The following ABCA3 variants were observed in gnomAD, a reference collection of about 807,000 sequenced individuals.
ABCA3 encodes the protein ATP binding cassette subfamily A member 3.
Under a neutral mutation model 172.8 loss-of-function variants are expected in ABCA3, and 88 were observed. That is an observed-to-expected ratio of 0.51 (90% CI 0.43 to 0.61). The LOEUF (loss-of-function observed/expected upper bound fraction) is 0.61, where lower values mean the gene tolerates loss of function less well. Among genes scored for constraint, ABCA3 ranks in the 20% least tolerant of loss-of-function variants. ABCA3 has a pLI of 0.00. For synonymous variants in ABCA3, 1,066 were observed against 983.8 expected (o/e 1.08, Z -1.56); for missense variants, 2,164 against 2,301.0 (o/e 0.94, Z 1.22).
intron 11 of ABCA3, among the ~76,000 whole-genome samples, chr16:2,307,016 CAAAAAAAAA>C (rs201661615): frequency 0.21 from 13,739 of 66,444 alleles, 1,042 homozygotes; most frequent in East Asian, 0.49. Context: ...GACTCCGTCT[CAAAAAAAAA>C]AAAAAAAAAA....
chr16:2,284,582 C>A lies in ABCA3; in HGVS notation c.3704-145G>T. The A allele has an allele frequency of 7.3e-7, 1 of 1,368,004 alleles. No individual in the cohort carries two copies. 84.7% of individuals were successfully genotyped at this position (1,368,004 alleles called of 1,614,324 possible). ...CCCAGGGACGCCCCTGCCGGCTCTGCACAGGGCAAGGACGCCGCAGACGCC... is the reference window on the plus strand; with the variant it reads ...CCCAGGGACGCCCCTGCCGGCTCTGAACAGGGCAAGGACGCCGCAGACGCC... On this transcript the variant is annotated intron_variant, in intron 24 of 32. Coordinates refer to ENST00000301732, the MANE Select transcript of ABCA3 (RefSeq NM_001089.3). The surrounding 1 kb of genome is among the most constrained non-coding windows in gnomAD (Gnocchi z 5.9).
In ABCA3 at chr16:2,300,098, T is replaced by C; in HGVS notation, c.1518A>G (p.Glu506=). 5 of 1,613,466 alleles carry C rather than the reference T, an allele frequency of 3.1e-6. No individual in the cohort carries two copies. The highest frequency in any genetic ancestry group is 4.2e-6 in the Non-Finnish European group (5 of 1,179,856). ...KPRAVAGKEE[E]DSDPEKALRN... is the part of the protein sequence containing the mutation. ...TGAGTGCTTTCTCGGGGTCACTGTC[T>C]TCTTCCTCCTTCCCTGCAACCGCCC... The change falls in exon 13 of 33, where the codon GAA becomes GAG. Residue 506 remains glutamate, a synonymous_variant. Transcript: ENST00000301732.
chr16:2,281,692 C>T lies in ABCA3; in HGVS notation c.4036-183G>A, dbSNP rs189348000. ...TTTACTAGAAGACACAGTGGTCTTACGGGGCTAAACTAGCATCCAGGAGAC... is the reference window on the plus strand; with the variant it reads ...TTTACTAGAAGACACAGTGGTCTTATGGGGCTAAACTAGCATCCAGGAGAC... On this transcript the variant is annotated intron_variant, in intron 26 of 32. Transcript: ENST00000301732. This position sits in a 1 kb window ranked among gnomAD's most constrained non-coding sequence, Gnocchi z 4.7. Among the ~76,000 whole-genome samples the T allele has an allele frequency of 5.2e-4, 79 of 152,072 alleles. No individual in the cohort carries two copies. Among genetic ancestry groups the T allele is most frequent in the African/African-American group, 1.3e-3 (52 of 41,452 alleles).
chr16:2,333,661 C>A (rs59137103), intron 1 of ABCA3, among the ~76,000 whole-genome samples: 1 of 151,402 alleles, frequency 6.6e-6, no homozygotes, highest in Non-Finnish European at 1.5e-5. Context: ...GTACAAGGTA[C>A]TAAGGATTTG....
At chr16:2,336,742 T>G (rs1192323020) in intron 1 of ABCA3, among the ~76,000 whole-genome samples, 1 of 150,724 alleles carries the variant, frequency 6.6e-6, no homozygotes, top group Non-Finnish European at 1.5e-5. Flanking sequence ...GTCTGGCCAA[T>G]AAACAGAACT....
chr16:2,309,430 G>A (rs927410680), intron 10 of ABCA3, among the ~76,000 whole-genome samples: 2 of 152,216 alleles, frequency 1.3e-5, no homozygotes, highest in African/African-American at 4.8e-5. Context: ...AAGGTGTGCT[G>A]GATGGAGACA....
At position 2,286,529 on chromosome 16, in the gene ABCA3, T is replaced by G. The variant is rs896806259; in HGVS notation, c.3278+165A>C. On this transcript the variant is annotated intron_variant, in intron 22 of 32. Coordinates refer to ENST00000301732, the MANE Select transcript of ABCA3 (RefSeq NM_001089.3). This position sits in a 1 kb window ranked among gnomAD's most constrained non-coding sequence, Gnocchi z 5.2. ...ACAGCTGATCTGCTGTCACAGGGAG[T>G]TGGGGCTGTGGATGGTGGAGGAGGA... is the stretch of plus-strand genomic sequence containing the variant. Among the ~76,000 whole-genome samples the G allele has an allele frequency of 2.6e-5, 4 of 151,718 alleles. No individual in the cohort carries two copies. Among genetic ancestry groups the G allele is most frequent in the Admixed American group, 2.6e-4 (4 of 15,250 alleles).
At position 2,286,552 on chromosome 16, in the gene ABCA3, G is replaced by A. The variant is rs1253413740; in HGVS notation, c.3278+142C>T. ...AGTTGGGGCTGTGGATGGTGGAGGAGGATGTGGCAGGGGTTTCCCACCAGA... is the reference window on the plus strand; with the variant it reads ...AGTTGGGGCTGTGGATGGTGGAGGAAGATGTGGCAGGGGTTTCCCACCAGA... On this transcript the variant is annotated intron_variant, in intron 22 of 32. Coordinates refer to ENST00000301732, the MANE Select transcript of ABCA3 (RefSeq NM_001089.3). This position sits in a 1 kb window ranked among gnomAD's most constrained non-coding sequence, Gnocchi z 5.2. 1.9e-5 allele frequency: 21 copies of A among 1,110,124 alleles called. No homozygotes were observed. The East Asian group carries it at 4.9e-4, about 26-fold the overall frequency. The allele number at this position is 1,110,124 out of a possible 1,614,324, so 68.8% of individuals were successfully genotyped here.
At position 2,278,073 on chromosome 16, in the gene ABCA3, T is replaced by G. The variant is rs561904060; in HGVS notation, c.4719-4A>C. 3.7e-5 allele frequency: 59 copies of G among 1,613,328 alleles called. No homozygotes were observed. In the South Asian group the frequency reaches 5.4e-4, roughly 15 times the overall value. The stretch of plus-strand genomic sequence containing the variant: ...CAGGGCCTCACACTCCTCCATGCTG[T>G]GGAGAGGGCGGGACCTCAGATAGGG... On this transcript the variant is annotated splice_region_variant and splice_polypyrimidine_tract_variant and intron_variant, in intron 30 of 32. Transcript: ENST00000301732. The surrounding 1 kb of genome is among the most constrained non-coding windows in gnomAD (Gnocchi z 4.4).
At chr16:2,294,523 A>G (rs1185611968) in intron 18 of ABCA3, among the ~76,000 whole-genome samples, 8 of 151,516 alleles carry the variant, frequency 5.3e-5, no homozygotes, top group African/African-American at 1.9e-4. Context: ...CCATCTCTAC[A>G]AAAAAAATAA....
rs45501400 is a variant in ABCA3 at position 2,340,564 on chromosome 16, G to A, written c.-539+9C>T. ...GAGCGCGCGAGCGGCGGGTCCCGGC[G>A]GCACTCACCGAGCCTGGGCGCCGGG... On this transcript the variant is annotated intron_variant, in intron 1 of 32. Transcript: ENST00000301732. The A allele has an allele frequency of 2.0e-5, 3 of 148,754 alleles. No individual in the cohort carries two copies. The highest frequency in any genetic ancestry group is 2.0e-4 in the South Asian group (1 of 4,886). 9.2% of individuals were successfully genotyped at this position (148,754 alleles called of 1,614,324 possible). A position where few individuals can be genotyped will look rare whatever the true frequency, so the allele number is the denominator to read the frequency against.
intron 1 of ABCA3, among the ~76,000 whole-genome samples, chr16:2,333,117 G>C (rs1488682300): frequency 6.6e-6 from 1 of 152,150 alleles, no homozygotes; most frequent in African/African-American, 2.4e-5. Flanking sequence ...GCCCTTATGA[G>C]CCCTTTCAAA....
Position 2,284,696 on chromosome 16 carries a change from C to T in ABCA3, c.3703+83G>A, listed in dbSNP as rs996100610. 29 of 1,455,438 alleles carry T rather than the reference C, an allele frequency of 2.0e-5. No individual in the cohort carries two copies. In the East Asian group the frequency reaches 2.9e-4, roughly 15 times the overall value. The allele number at this position is 1,455,438 out of a possible 1,614,324, so 90.2% of individuals were successfully genotyped here. On this transcript the variant is annotated intron_variant, in intron 24 of 32. Coordinates refer to ENST00000301732, the MANE Select transcript of ABCA3 (RefSeq NM_001089.3). This position sits in a 1 kb window ranked among gnomAD's most constrained non-coding sequence, Gnocchi z 5.9. ...TGGGCCCATTGCCTGAGTCCCGCCT[C>T]GGCTGTGGCTGGTGCCTCCCTGTCT...
At chr16:2,337,061 C>T (rs929245636) in intron 1 of ABCA3, among the ~76,000 whole-genome samples, 36 of 151,246 alleles carry the variant, frequency 2.4e-4, no homozygotes, top group Admixed American at 2.2e-3. Flanking sequence ...TTCAGGTGCA[C>T]GCCACCATAC....
chr16:2,310,613 C>T (rs1201715988), intron 10 of ABCA3, among the ~76,000 whole-genome samples: 3 of 150,798 alleles, frequency 2.0e-5, no homozygotes, highest in Non-Finnish European at 4.4e-5. Context: ...GCCTCCTGGG[C>T]TCAAGCGATT....
At chr16:2,303,926 A>T in intron 12 of ABCA3, 43 bp downstream of exon 12, 1 of 1,611,792 alleles carries the variant, frequency 6.2e-7, no homozygotes, top group Middle Eastern at 1.7e-4. Context: ...ACACCTCTGC[A>T]CTCAGAGAGG....
In ABCA3 at chr16:2,278,441, T is replaced by C. The variant is rs1189823641; in HGVS notation, c.4565A>G (p.Lys1522Arg). The C allele has an allele frequency of 6.2e-7, 1 of 1,612,358 alleles. No homozygotes were observed. Among genetic ancestry groups the C allele is most frequent in the East Asian group, 2.2e-5 (1 of 44,894 alleles). Residue 1522 changes from lysine (K) to arginine (R), a missense_variant, in exon 30 of 33, where the codon AAG becomes AGG. Physicochemically the swap from Lys to Arg is conservative, Grantham distance 26. Transcript: ENST00000301732. The surrounding 1 kb of genome is among the most constrained non-coding windows in gnomAD (Gnocchi z 4.4). ...VRTYSGGNKR[K>R]LSTGIALIGE... Reference sequence around the variant, plus strand: ...GATCAGGGCGATGCCGGTGCTCAGCTTCCGCTTGTTACCACCACTAGAGGC... The same window carrying C: ...GATCAGGGCGATGCCGGTGCTCAGCCTCCGCTTGTTACCACCACTAGAGGC...
At chr16:2,317,833 G>A in intron 8 of ABCA3, 69 bp from the exon 9 acceptor site, 1 of 1,444,886 alleles carries the variant, frequency 6.9e-7, no homozygotes, top group Non-Finnish European at 9.7e-7. Context: ...TGCCAGGCTG[G>A]ACGGCAGCAG....
At chr16:2,309,357 C>G (rs1028223996) in intron 10 of ABCA3, among the ~76,000 whole-genome samples, 1 of 152,136 alleles carries the variant, frequency 6.6e-6, no homozygotes, top group African/African-American at 2.4e-5. Context: ...GGAGGCAGCC[C>G]CACACAAAAC....
Sources: gnomAD v4.1 joint callset for allele counts (sites outside exome capture counted in the v4.1 genomes callset) on GRCh38, gnomAD v4.1.1 for gene constraint, Gnocchi (gnomAD v3.1) non-coding constraint, MANE v1.5 for transcripts, NCBI Gene and HGNC (gene_info 2026-07-23, HGNC 2026-07-21) for gene names.